Variants in USP12 observed in about 807,000 individuals in gnomAD.
The protein encoded by USP12 is ubiquitin specific peptidase 12, also known as ubiquitin carboxyl-terminal hydrolase 12.
A neutral mutation model predicts 45.5 loss-of-function variants in USP12; 19 were observed. The observed-to-expected ratio is 0.42, with a 90% confidence interval of 0.29 to 0.61. The LOEUF (loss-of-function observed/expected upper bound fraction) is 0.61. USP12 is among the 20% of genes least tolerant of loss of function. The probability of loss-of-function intolerance (pLI) is 0.22; values close to 1 mark genes in which losing one functional copy is unlikely to be tolerated. For synonymous variants in USP12, 149 were observed against 148.8 expected (o/e 1.00, Z -0.01); for missense variants, 242 against 447.7 (o/e 0.54, Z 4.15).
chr13:27,147,423 T>A (rs561413225), intron 1 of USP12, among the ~76,000 whole-genome samples: 3 of 152,320 alleles, frequency 2.0e-5, no homozygotes, highest in African/African-American at 7.2e-5. Flanking sequence ...CTGGATAATC[T>A]AAAAATTCTA....
intron 7 of USP12, among the ~76,000 whole-genome samples, chr13:27,072,649 TA>T (rs1873297781): frequency 6.6e-6 from 1 of 151,996 alleles, no homozygotes; most frequent in Middle Eastern, 3.2e-3. Flanking sequence ...GAATATGATA[TA>T]AAAGTAGAGC....
intron 1 of USP12, among the ~76,000 whole-genome samples, chr13:27,166,652 A>C (rs1447183928): frequency 6.6e-6 from 1 of 152,226 alleles, no homozygotes; most frequent in Non-Finnish European, 1.5e-5. Context: ...TAATATTTAT[A>C]CACATGCCAC....
intron 1 of USP12, among the ~76,000 whole-genome samples, chr13:27,142,664 A>C (rs1371705121): frequency 1.3e-5 from 2 of 152,236 alleles, no homozygotes; most frequent in Non-Finnish European, 2.9e-5. Flanking sequence ...TTTATCAAAA[A>C]AATTACAGTA....
intron 3 of USP12, among the ~76,000 whole-genome samples, chr13:27,104,092 G>A (rs947614337): frequency 2.6e-5 from 4 of 152,030 alleles, no homozygotes; most frequent in Admixed American, 6.6e-5. Flanking sequence ...GGAGAGTGGC[G>A]CAATCAGGGC....
Position 27,068,307 on chromosome 13 carries a change from GT to G in USP12, c.*975del, listed in dbSNP as rs1281243694. The G allele has an allele frequency of 6.6e-6, 1 of 152,396 alleles. No individual in the cohort carries two copies. Among genetic ancestry groups the G allele is most frequent in the Admixed American group, 6.5e-5 (1 of 15,272 alleles). The allele number at this position is 152,396 out of a possible 1,614,324, so 9.4% of individuals were successfully genotyped here. A position where few individuals can be genotyped will look rare whatever the true frequency, so the allele number is the denominator to read the frequency against. On this transcript the variant is annotated 3_prime_UTR_variant, in exon 9 of 9. Transcript: ENST00000282344. ...AACAACTACAGGAATTTTTAAAATA[GT>G]TTTTTAATTTTATGAAATTAAAGCT...
At position 27,066,556 on chromosome 13, in the gene USP12, T is replaced by C. The variant is rs1873003215; in HGVS notation, c.*2727A>G. ...CCCCAAGACCCACATAATACAACAT[T>C]TCCCTCTTTCCCTGTTCCCAAGCCT... On this transcript the variant is annotated 3_prime_UTR_variant, in exon 9 of 9. Transcript: ENST00000282344. 1.3e-5 allele frequency: 2 copies of C among 152,184 alleles called. No homozygotes were observed. 9.4% of individuals were successfully genotyped at this position (152,184 alleles called of 1,614,324 possible).
At chr13:27,147,776 T>A (rs913580199) in intron 1 of USP12, among the ~76,000 whole-genome samples, 7 of 152,054 alleles carry the variant, frequency 4.6e-5, no homozygotes, top group South Asian at 2.1e-4. Flanking sequence ...AAAAAAATTT[T>A]AAAAAACCGT....
chr13:27,067,392 A>G lies in USP12; in HGVS notation c.*1891T>C, dbSNP rs1873045572. ...GACTTTCCCCACACTGTTGATTGTG[A>G]TTCTCTGTGGCATGTTGGTAGATCA... On this transcript the variant is annotated 3_prime_UTR_variant, in exon 9 of 9. Coordinates refer to ENST00000282344, the MANE Select transcript of USP12 (RefSeq NM_182488.4). 6.6e-6 allele frequency: 1 copy of G among 152,186 alleles called. No homozygotes were observed. The highest frequency in any genetic ancestry group is 2.4e-5 in the African/African-American group (1 of 41,454). The allele number at this position is 152,186 out of a possible 1,614,324, so 9.4% of individuals were successfully genotyped here.
chr13:27,169,039 AG>A (rs1878471029), intron 1 of USP12: 1 of 151,632 alleles, frequency 6.6e-6, no homozygotes, highest in Non-Finnish European at 1.5e-5. Flanking sequence ...GCATACCAGG[AG>A]GAGGCAGGAA....
At chr13:27,109,869 G>A (rs1259482005) in intron 2 of USP12, among the ~76,000 whole-genome samples, 8 of 131,906 alleles carry the variant, frequency 6.1e-5, no homozygotes, top group Admixed American at 9.1e-5. Flanking sequence ...AGATGGTGCC[G>A]CCATTGCACT....
At chr13:27,083,851 T>C (rs915315837) in intron 6 of USP12, among the ~76,000 whole-genome samples, 4 of 146,326 alleles carry the variant, frequency 2.7e-5, no homozygotes, top group African/African-American at 1.1e-4. Flanking sequence ...TGAACCTTTT[T>C]GGGAGAATAT....
At position 27,171,659 on chromosome 13, in the gene USP12, A is replaced by C. The variant is rs1474749474; in HGVS notation, c.-20T>G. ...TTCCATCCGGCCAGCGCCATCTTCC[A>C]CCCAATCACAGCGGCGGCGGCGGGC... is the stretch of plus-strand genomic sequence containing the variant. On this transcript the variant is annotated 5_prime_UTR_variant, in exon 1 of 9. Coordinates refer to ENST00000282344, the MANE Select transcript of USP12 (RefSeq NM_182488.4). 1.0e-5 allele frequency: 13 copies of C among 1,255,996 alleles called. No homozygotes were observed. The highest frequency in any genetic ancestry group is 1.6e-5 in the African/African-American group (1 of 61,616). The allele number at this position is 1,255,996 out of a possible 1,614,324, so 77.8% of individuals were successfully genotyped here.
intron 8 of USP12, 120 bp from the exon 9 acceptor site, chr13:27,069,504 A>C: frequency 1.3e-6 from 1 of 768,982 alleles, no homozygotes; most frequent in Non-Finnish European, 2.2e-6. Context: ...TGGAACTCTC[A>C]CACACAGCTG....
intron 2 of USP12, among the ~76,000 whole-genome samples, chr13:27,111,672 A>G (rs1875455600): frequency 1.3e-5 from 2 of 152,172 alleles, no homozygotes; most frequent in Non-Finnish European, 2.9e-5. Context: ...CACATCCCTT[A>G]CACATTTATA....
intron 1 of USP12, among the ~76,000 whole-genome samples, chr13:27,161,122 C>T (rs535199030): frequency 6.6e-6 from 1 of 152,310 alleles, no homozygotes; most frequent in Non-Finnish European, 1.5e-5. Context: ...CAGCTACTAC[C>T]CCCAAGGTAC....
intron 1 of USP12, among the ~76,000 whole-genome samples, chr13:27,148,795 T>TACACACACACACACACACACACACACAC (rs58820564): frequency 0.036 from 5,083 of 141,582 alleles, 120 homozygotes; most frequent in African/African-American, 0.05. Context: ...ATCATCTTAA[T>TACACACACACACACACACACACACACAC]ACACACACAC....
intron 1 of USP12, among the ~76,000 whole-genome samples, chr13:27,160,066 G>C (rs1878033725): frequency 6.6e-6 from 1 of 152,098 alleles, no homozygotes; most frequent in Non-Finnish European, 1.5e-5. Flanking sequence ...AGTCTTTAAA[G>C]AACGAAAATA....
intron 1 of USP12, among the ~76,000 whole-genome samples, 193 bp downstream of exon 1, chr13:27,171,399 C>T (rs2137856240): frequency 6.8e-6 from 1 of 147,232 alleles, no homozygotes; most frequent in African/African-American, 2.4e-5. Context: ...CCCCAGCCGC[C>T]TGGGCCGCTC....
intron 7 of USP12, among the ~76,000 whole-genome samples, chr13:27,072,224 G>A (rs781286317): frequency 2.1e-4 from 32 of 152,040 alleles, no homozygotes; most frequent in Non-Finnish European, 4.0e-4. Flanking sequence ...GTGTTATGGG[G>A]AGAGGGTCAG....
Sources: allele counts gnomAD v4.1 joint callset (sites outside exome capture counted in the v4.1 genomes callset), GRCh38; gene constraint gnomAD v4.1.1; transcripts MANE v1.5; gene names NCBI Gene and HGNC (gene_info 2026-07-23, HGNC 2026-07-21).